Variants in ADAMTS14 observed in about 807,000 individuals in gnomAD.
ADAMTS14 encodes the protein ADAM metallopeptidase with thrombospondin type 1 motif 14, also known as A disintegrin and metalloproteinase with thrombospondin motifs 14.
ADAMTS14 carries 100 observed loss-of-function variants against 128.6 expected under a neutral mutation model. That is an observed-to-expected ratio of 0.78 (90% CI 0.66 to 0.92). ADAMTS14 has a LOEUF of 0.92. Ranked by LOEUF, ADAMTS14 falls within the 40% of genes least tolerant of loss-of-function variation. ADAMTS14 has a pLI of 0.00. For synonymous variants in ADAMTS14, 665 were observed against 653.8 expected (o/e 1.02, Z -0.26); for missense variants, 1,562 against 1,658.6 (o/e 0.94, Z 1.01).
At chr10:70,732,423 G>A in intron 7 of ADAMTS14, 64 bp downstream of exon 7, 1 of 1,428,768 alleles carries the variant, frequency 7.0e-7, no homozygotes, top group Non-Finnish European at 9.7e-7. Flanking sequence ...GGAATTCTGT[G>A]GCTGTGGGAG....
Position 70,705,259 on chromosome 10 carries a change from G to A in ADAMTS14, c.679+2791G>A, listed in dbSNP as rs142897553. ...TGGCCCCTGAGGCTGCGTCCTGGAT[G>A]CTCTCCTGCTCCTAACGCTTCCCTC... On this transcript the variant is annotated intron_variant, in intron 3 of 21. Transcript: ENST00000373207. Among the ~76,000 whole-genome samples, 1,184 of 152,250 alleles carry A rather than the reference G, an allele frequency of 7.8e-3. 10 individuals carry two copies. Among genetic ancestry groups the A allele is most frequent in the Non-Finnish European group, 0.012 (831 of 68,008 alleles).
chr10:70,730,220 T>A lies in ADAMTS14; in HGVS notation c.1073T>A (p.Phe358Tyr). ...GCTGAGCACCATGACCACGTTGTGT[T>A]CCTCACCCGGCAGGACTTTGGGCCC... is the stretch of plus-strand genomic sequence containing the variant. ...SHAEHHDHVV[F>Y]LTRQDFGPSG... Residue 358 changes from phenylalanine to tyrosine, a missense_variant, in exon 6 of 22, where the codon TTC becomes TAC. Physicochemically the swap from Phe to Tyr is conservative, Grantham distance 22. Coordinates refer to ENST00000373207, the MANE Select transcript of ADAMTS14 (RefSeq NM_080722.4). 6.2e-7 allele frequency: 1 copy of A among 1,614,090 alleles called. No homozygotes were observed. The highest frequency in any genetic ancestry group is 8.5e-7 in the Non-Finnish European group (1 of 1,179,984).
chr10:70,734,585 A>T (rs1841764904), intron 8 of ADAMTS14, among the ~76,000 whole-genome samples: 1 of 152,046 alleles, frequency 6.6e-6, no homozygotes, highest in Non-Finnish European at 1.5e-5. Context: ...CCAGCAGCAC[A>T]CTCCCAATTC....
chr10:70,708,528 T>C, intron 3 of ADAMTS14, 60 bp from the exon 4 acceptor site: 1 of 1,476,034 alleles, frequency 6.8e-7, no homozygotes, highest in Non-Finnish European at 9.3e-7. Context: ...TGGTGGGCAA[T>C]GTCACAGTGA....
intron 8 of ADAMTS14, among the ~76,000 whole-genome samples, chr10:70,734,917 T>C (rs989356243): frequency 1.3e-4 from 20 of 152,212 alleles, no homozygotes; most frequent in Admixed American, 7.9e-4. Context: ...GCTGAGTATC[T>C]AATCCCAGTC....
At chr10:70,716,475 G>A (rs957820942) in intron 4 of ADAMTS14, among the ~76,000 whole-genome samples, 5 of 152,196 alleles carry the variant, frequency 3.3e-5, no homozygotes, top group African/African-American at 9.7e-5. Context: ...TGCAGAGGAC[G>A]GACAGTCAAA....
At position 70,753,959 on chromosome 10, in the gene ADAMTS14, T is replaced by A. The variant is rs1842420419; in HGVS notation, c.2889T>A (p.Cys963Ter). 20 of 1,583,044 alleles carry A rather than the reference T, an allele frequency of 1.3e-5. No homozygotes were observed. The highest frequency in any genetic ancestry group is 1.6e-5 in the Non-Finnish European group (19 of 1,165,804). The change falls in exon 19 of 22, where the codon TGT becomes TGA. Residue 963 changes from cysteine (C) to a stop codon, truncating the protein, a stop_gained. Coordinates refer to ENST00000373207, the MANE Select transcript of ADAMTS14 (RefSeq NM_080722.4). LOFTEE classifies it high-confidence loss of function. ...AGDRPEARRP[C>*]LRVPCPAQWR... ...ACCGGCCTGAGGCCCGACGGCCCTG[T>A]CTCCGAGTGCCCTGCCCAGCCCAGT...
rs1207891820 is a variant in ADAMTS14 at position 70,708,693 on chromosome 10, A to G, written c.785A>G (p.Glu262Gly). 1 of 1,611,204 alleles carries G rather than the reference A, an allele frequency of 6.2e-7. No homozygotes were observed. Among genetic ancestry groups the G allele is most frequent in the Non-Finnish European group, 8.5e-7 (1 of 1,179,258 alleles). ...GCCAAGCCAGGCAGCTACAGCATCG[A>G]GGTGCTGCTGGTGGTGGACGACTCG... is the stretch of plus-strand genomic sequence containing the variant. The part of the protein sequence containing the change: ...RHAKPGSYSI[E>G]VLLVVDDSVV... Residue 262 changes from glutamate to glycine, a missense_variant, in exon 4 of 22, where the codon GAG becomes GGG. By Grantham distance (98) the Glu-to-Gly change is moderately conservative (BLOSUM62 -2). Coordinates refer to ENST00000373207, the MANE Select transcript of ADAMTS14 (RefSeq NM_080722.4).
At chr10:70,759,238 G>A (rs547867927) in intron 21 of ADAMTS14, among the ~76,000 whole-genome samples, 9 of 148,014 alleles carry the variant, frequency 6.1e-5, no homozygotes, top group Non-Finnish European at 1.2e-4. Flanking sequence ...GAAATCTGGC[G>A]CCATCTAGAG....
intron 4 of ADAMTS14, among the ~76,000 whole-genome samples, chr10:70,714,768 C>T (rs12416072): frequency 2.0e-5 from 3 of 151,588 alleles, no homozygotes; most frequent in Admixed American, 6.6e-5. Context: ...ACCAATATGG[C>T]GAAACCCCGT....
chr10:70,716,378 C>G (rs1047731617), intron 4 of ADAMTS14, among the ~76,000 whole-genome samples: 1 of 152,160 alleles, frequency 6.6e-6, no homozygotes, highest in Non-Finnish European at 1.5e-5. Flanking sequence ...AGATGGACTG[C>G]GGCTTAAAGG....
At chr10:70,706,148 CT>C (rs143334148) in intron 3 of ADAMTS14, among the ~76,000 whole-genome samples, 10,740 of 152,146 alleles carry the variant, frequency 0.071, 497 homozygotes, top group East Asian at 0.16. Context: ...GAGGGTGTGG[CT>C]GGAGCCCCCC....
At chr10:70,728,966 C>T (rs1027637726) in intron 4 of ADAMTS14, among the ~76,000 whole-genome samples, 1 of 152,210 alleles carries the variant, frequency 6.6e-6, no homozygotes, top group Non-Finnish European at 1.5e-5. Flanking sequence ...CTGGAAGAGG[C>T]TCTCCAGACG....
chr10:70,705,082 T>C (rs1019359152), intron 3 of ADAMTS14, among the ~76,000 whole-genome samples: 1 of 152,146 alleles, frequency 6.6e-6, no homozygotes, highest in African/African-American at 2.4e-5. Flanking sequence ...TACTCTCATA[T>C]ATACACACAT....
In ADAMTS14 at chr10:70,686,291, T is replaced by TA. The variant is rs1554814504; in HGVS notation, c.522+11298dup. ...AGCCTTTGCTTTTTTTTTTTTTTTT[T>TA]AATTTATTTTTTTATTGATAATTCT... On this transcript the variant is annotated intron_variant, in intron 2 of 21. Coordinates refer to ENST00000373207, the MANE Select transcript of ADAMTS14 (RefSeq NM_080722.4). 8.6e-3 allele frequency among the ~76,000 whole-genome samples: 1,207 copies of TA among 140,122 alleles called. 17 individuals are homozygous for TA. Among genetic ancestry groups the TA allele is most frequent in the African/African-American group, 0.031 (1,149 of 37,656 alleles). The allele number at this position is 140,122 out of a possible 152,430, so 91.9% of individuals were successfully genotyped here. A position where few individuals can be genotyped will look rare whatever the true frequency, so the allele number is the denominator to read the frequency against.
chr10:70,741,114 G>A lies in ADAMTS14; in HGVS notation c.1876G>A (p.Val626Met). 1 of 1,613,840 alleles carries A rather than the reference G, an allele frequency of 6.2e-7. No individual in the cohort carries two copies. The change falls in exon 12 of 22, where the codon GTG becomes ATG. Residue 626 changes from valine (V) to methionine (M), a missense_variant. Transcript: ENST00000373207. ...QQCAKRNSYYVHQNAKHSWVP... is the reference protein window; with the variant it reads ...QQCAKRNSYYMHQNAKHSWVP... ...GTGTGCCAAGCGCAACTCCTACTATGTGCACCAGAATGCCAAGCACAGCTG... is the reference window on the plus strand; with the variant it reads ...GTGTGCCAAGCGCAACTCCTACTATATGCACCAGAATGCCAAGCACAGCTG...
chr10:70,751,464 C>G lies in ADAMTS14; in HGVS notation c.2428-14C>G. On this transcript the variant is annotated splice_polypyrimidine_tract_variant and intron_variant, in intron 16 of 21. Coordinates refer to ENST00000373207, the MANE Select transcript of ADAMTS14 (RefSeq NM_080722.4). ...CTTTCTCTGGTCCTGTGCCAGCTCC[C>G]CATCTCCCCTCAGGCTCTCCCCCCA... The G allele has an allele frequency of 6.3e-7, 1 of 1,595,756 alleles. No individual in the cohort carries two copies. Among genetic ancestry groups the G allele is most frequent in the Non-Finnish European group, 8.6e-7 (1 of 1,164,884 alleles).
chr10:70,755,445 C>T (rs1454309271), intron 19 of ADAMTS14, among the ~76,000 whole-genome samples: 3 of 151,960 alleles, frequency 2.0e-5, no homozygotes, highest in Non-Finnish European at 4.4e-5. Context: ...GTTTAATAGG[C>T]GAGGAGTTTC....
chr10:70,748,934 G>T (rs533745992), intron 15 of ADAMTS14, among the ~76,000 whole-genome samples: 1 of 152,214 alleles, frequency 6.6e-6, no homozygotes, highest in Non-Finnish European at 1.5e-5. Context: ...CCTTGGCCAG[G>T]TGTTGGCATC....
Sources: gnomAD v4.1 joint callset for allele counts (sites outside exome capture counted in the v4.1 genomes callset) on GRCh38, gnomAD v4.1.1 for gene constraint, MANE v1.5 for transcripts, NCBI Gene and HGNC (gene_info 2026-07-23, HGNC 2026-07-21) for gene names.